Variants in NXT2 observed in about 807,000 individuals in gnomAD.
NXT2 encodes nuclear transport factor 2 like export factor 2, also known as NTF2-related export protein 2.
In NXT2, 1 loss-of-function variant was observed where a neutral mutation model predicts 9.6. That is an observed-to-expected ratio of 0.10 (90% confidence interval 0.04 to 0.49). The LOEUF (loss-of-function observed/expected upper bound fraction) is 0.49. Ranked by LOEUF, NXT2 falls within the 20% of genes least tolerant of loss-of-function variation. NXT2 has a pLI of 0.95. For synonymous variants in NXT2, 22 were observed against 35.4 expected, an observed-to-expected ratio of 0.62 and a Z score of 1.34; for missense variants, 48 against 100.3, an observed-to-expected ratio of 0.48 and a Z score of 2.23.
chrX:109,544,563 A>G lies in NXT2; in HGVS notation c.*1875A>G, dbSNP rs1230715721. 8.9e-6 allele frequency: 1 copy of G among 112,650 alleles called. No individual in the cohort carries two copies. The highest frequency in any genetic ancestry group is 9.5e-5 in the Admixed American group (1 of 10,561). 9.3% of individuals were successfully genotyped at this position (112,650 alleles called of 1,213,427 possible). A position where few individuals can be genotyped will look rare whatever the true frequency, so the allele number is the denominator to read the frequency against. On this transcript the variant is annotated 3_prime_UTR_variant, in exon 4 of 4. Transcript: ENST00000372106. ...TTGTTGTGTTTTAAGACTTGTATATAAACTGCTTTTTCCAAACTCTGTATA... is the reference window on the plus strand; with the variant it reads ...TTGTTGTGTTTTAAGACTTGTATATGAACTGCTTTTTCCAAACTCTGTATA...
At position 109,537,143 on chromosome X, in the gene NXT2, G is replaced by T. The variant is rs776374806; in HGVS notation, c.15+122G>T. 21 of 1,080,406 alleles carry T rather than the reference G, an allele frequency of 1.9e-5. 1 individual carries two copies. The Admixed American group carries it at 6.9e-4, about 36-fold the overall frequency. The allele number at this position is 1,080,406 out of a possible 1,213,427, so 89.0% of individuals were successfully genotyped here. The stretch of plus-strand genomic sequence containing the variant: ...GTGACGAATCACGTCCCGGCTCTCT[G>T]CACTGCGGGGCGGGGCCCACGCTTT... On this transcript the variant is annotated intron_variant, in intron 1 of 3. Transcript: ENST00000372106.
chrX:109,538,570 A>T (rs1313914573), intron 2 of NXT2, among the ~76,000 whole-genome samples: 1 of 111,346 alleles, frequency 9.0e-6, no homozygotes, highest in Non-Finnish European at 1.9e-5. Context: ...TATTTCATAT[A>T]TTTATAGATA....
In NXT2 at chrX:109,542,675, G is replaced by C; in HGVS notation, c.416G>C (p.Trp139Ser). Residue 139 changes from tryptophan to serine, a missense_variant, in exon 4 of 4, where the codon TGG becomes TCG. Coordinates refer to ENST00000372106, the MANE Select transcript of NXT2 (RefSeq NM_001242617.2). ...IASDCFRFQD[W>S]SSS ...AGTGATTGCTTCCGTTTTCAAGATT[G>C]GTCTAGTAGTTAAAGGGGCAAAAGT... is the stretch of plus-strand genomic sequence containing the variant. 1 of 1,177,652 alleles carries C rather than the reference G, an allele frequency of 8.5e-7. No individual in the cohort carries two copies. The highest frequency in any genetic ancestry group is 1.1e-6 in the Non-Finnish European group (1 of 877,059).
upstream of NXT2, chrX:109,535,974 C>T: frequency 8.5e-7 from 1 of 1,175,084 alleles, no homozygotes; most frequent in East Asian, 3.0e-5. Flanking sequence ...ACCAGCCACT[C>T]AAGGTAAAAC....
rs1412160946 is a variant in NXT2 at position 109,542,849 on chromosome X, A to G, written c.*161A>G. 10 of 390,011 alleles carry G rather than the reference A, an allele frequency of 2.6e-5. No homozygotes were observed. In the Admixed American group the frequency reaches 4.9e-4, roughly 19 times the overall value. The allele number at this position is 390,011 out of a possible 1,213,427, so 32.1% of individuals were successfully genotyped here. ...TTTCTAGCAGCTGCCAGTTTGGAGC[A>G]TTGCCCTCTAAGAGCTTTAAAACTA... On this transcript the variant is annotated 3_prime_UTR_variant, in exon 4 of 4. Coordinates refer to ENST00000372106, the MANE Select transcript of NXT2 (RefSeq NM_001242617.2).
At position 109,543,182 on chromosome X, in the gene NXT2, A is replaced by C. The variant is rs188480757; in HGVS notation, c.*494A>C. 522 of 111,951 alleles carry C rather than the reference A, an allele frequency of 4.7e-3. 1 individual carries two copies. Among genetic ancestry groups the C allele is most frequent in the Non-Finnish European group, 8.3e-3 (439 of 53,053 alleles). 9.2% of individuals were successfully genotyped at this position (111,951 alleles called of 1,213,427 possible). On this transcript the variant is annotated 3_prime_UTR_variant, in exon 4 of 4. Coordinates refer to ENST00000372106, the MANE Select transcript of NXT2 (RefSeq NM_001242617.2). ...AGTACAGATTTAGGTTTACATAACT[A>C]CTCTGACATACTGGAATTGCATATA...
intron 2 of NXT2, among the ~76,000 whole-genome samples, chrX:109,541,205 A>G (rs1933411517): frequency 9.0e-6 from 1 of 111,550 alleles, no homozygotes; most frequent in Non-Finnish European, 1.9e-5. Flanking sequence ...ATTGGGTGGA[A>G]GGTTTTATTG....
In NXT2 at chrX:109,541,525, T is replaced by G; in HGVS notation, c.153T>G (p.Asn51Lys). Residue 51 changes from asparagine (N) to lysine (K), a missense_variant, in exon 3 of 4, where the codon AAT (asparagine) becomes AAG (lysine). By Grantham distance (94) the Asn-to-Lys change is moderately conservative. Coordinates refer to ENST00000372106, the MANE Select transcript of NXT2 (RefSeq NM_001242617.2). ...AGGCCACCTTAATATGGAATGGAAA[T>G]GCTGTTTCAGGGCTGGATGCCCTAA... Reference protein sequence around the residue: ...LDKATLIWNGNAVSGLDALNN... With the variant: ...LDKATLIWNGKAVSGLDALNN... 1 of 1,208,294 alleles carries G rather than the reference T, an allele frequency of 8.3e-7. No homozygotes were observed. The highest frequency in any genetic ancestry group is 1.1e-6 in the Non-Finnish European group (1 of 892,726).
At chrX:109,541,296 T>G (rs773512845) in intron 2 of NXT2, among the ~76,000 whole-genome samples, 179 bp from the exon 3 acceptor site, 7 of 112,132 alleles carry the variant, frequency 6.2e-5, no homozygotes, top group African/African-American at 2.3e-4. Flanking sequence ...AGGCCAAGAT[T>G]ATAAGACAGA....
chrX:109,537,420 C>T (rs973219414), intron 1 of NXT2: 11 of 752,450 alleles, frequency 1.5e-5, no homozygotes, highest in Non-Finnish European at 1.6e-5. Context: ...GAAGGTATTC[C>T]TTAATTCTCC....
rs1933420541 is a variant in NXT2, at chrX:109,541,612, A to G, written c.240A>G (p.Pro80=). ...EFQVNMLDCQ[P]VHEQATQSQT... ...AGGTCAATATGTTAGATTGCCAACC[A>G]GTTCATGGTAAGATCATGATCTTTC... is the stretch of plus-strand genomic sequence containing the variant. Residue 80 remains proline (P), a synonymous_variant, in exon 3 of 4, where the codon CCA becomes CCG. Transcript: ENST00000372106. 1 of 1,196,015 alleles carries G rather than the reference A, an allele frequency of 8.4e-7. No homozygotes were observed. Among genetic ancestry groups the G allele is most frequent in the Non-Finnish European group, 1.1e-6 (1 of 885,305 alleles).
rs767692077 is a variant in NXT2 at position 109,536,952 on chromosome X, A to G, written c.-55A>G. 2 of 1,209,830 alleles carry G rather than the reference A, an allele frequency of 1.7e-6. No individual in the cohort carries two copies. The highest frequency in any genetic ancestry group is 2.2e-6 in the Non-Finnish European group (2 of 895,086). Reference sequence around the variant, plus strand: ...CATTCCGCAGCCCTGCGGACCGGACACGTGAGGAGGTAGTGACGCCGACAC... The same window carrying G: ...CATTCCGCAGCCCTGCGGACCGGACGCGTGAGGAGGTAGTGACGCCGACAC... On this transcript the variant is annotated 5_prime_UTR_variant, in exon 1 of 4. Coordinates refer to ENST00000372106, the MANE Select transcript of NXT2 (RefSeq NM_001242617.2).
In NXT2 at chrX:109,536,901, G is replaced by C. The variant is rs1276396248; in HGVS notation, c.-106G>C. 1 of 1,200,255 alleles carries C rather than the reference G, an allele frequency of 8.3e-7. No homozygotes were observed. The highest frequency in any genetic ancestry group is 1.1e-6 in the Non-Finnish European group (1 of 889,827). On this transcript the variant is annotated 5_prime_UTR_variant, in exon 1 of 4. Transcript: ENST00000372106. ...GTGGAAAATTTTGTGCGTTTGGCGG[G>C]TTTCGCTCTCTTCATAAGTATTGAT...
At chrX:109,540,253 A>G (rs1933385103) in intron 2 of NXT2, among the ~76,000 whole-genome samples, 1 of 111,679 alleles carries the variant, frequency 9.0e-6, no homozygotes, top group Non-Finnish European at 1.9e-5. Context: ...GCTTTCAAAA[A>G]ATAAAGTAGA....
chrX:109,536,113 A>C, upstream of NXT2: 1 of 463,834 alleles, frequency 2.2e-6, no homozygotes, highest in Non-Finnish European at 3.7e-6. Flanking sequence ...TTTGAATCTC[A>C]ACTAGTTTGT....
rs1933449130 is a variant in NXT2, at chrX:109,542,844, G to C, written c.*156G>C. 5.0e-5 allele frequency: 20 copies of C among 399,714 alleles called. No individual in the cohort carries two copies. The highest frequency in any genetic ancestry group is 8.5e-6 in the Non-Finnish European group (2 of 236,601). The allele number at this position is 399,714 out of a possible 1,213,427, so 32.9% of individuals were successfully genotyped here. ...CACCTTTTCTAGCAGCTGCCAGTTTGGAGCATTGCCCTCTAAGAGCTTTAA... is the reference window on the plus strand; with the variant it reads ...CACCTTTTCTAGCAGCTGCCAGTTTCGAGCATTGCCCTCTAAGAGCTTTAA... On this transcript the variant is annotated 3_prime_UTR_variant, in exon 4 of 4. Coordinates refer to ENST00000372106, the MANE Select transcript of NXT2 (RefSeq NM_001242617.2).
At chrX:109,539,743 CTGTAGATTTGGAAATTAAT>C (rs1285379113) in intron 2 of NXT2, among the ~76,000 whole-genome samples, 41 of 111,392 alleles carry the variant, frequency 3.7e-4, no homozygotes, top group African/African-American at 1.3e-3. Context: ...GTTTAAGTTC[CTGTAGATTTGGAAATTAAT>C]AGATTGCAAA....
intron 1 of NXT2, 25 bp from the exon 2 acceptor site, chrX:109,538,020 T>C: frequency 9.4e-7 from 1 of 1,060,021 alleles, no homozygotes; most frequent in Non-Finnish European, 1.3e-6. Flanking sequence ...GTTGGTAATC[T>C]ATACTTCTGG....
chrX:109,539,661 T>C (rs1933369938), intron 2 of NXT2, among the ~76,000 whole-genome samples: 1 of 110,645 alleles, frequency 9.0e-6, no homozygotes, highest in Non-Finnish European at 1.9e-5. Context: ...TGCTGGCCAC[T>C]TCTTCTTTTG....
Sources: gnomAD v4.1 joint callset for allele counts (sites outside exome capture counted in the v4.1 genomes callset) on GRCh38, gnomAD v4.1.1 for gene constraint, MANE v1.5 for transcripts, NCBI Gene and HGNC (gene_info 2026-07-23, HGNC 2026-07-21) for gene names.